Variants in ACOX1 observed in about 807,000 individuals in gnomAD.
ACOX1 encodes acyl-CoA oxidase 1.
A neutral mutation model predicts 75.5 loss-of-function variants in ACOX1; 41 were observed. The observed-to-expected ratio is 0.54, with a 90% CI of 0.42 to 0.70. ACOX1 has a LOEUF of 0.70. ACOX1 is among the 30% of genes least tolerant of loss of function. The pLI is 0.00. For synonymous variants in ACOX1, 303 were observed against 298.8 expected, an observed-to-expected ratio of 1.01 and a Z score of -0.15; for missense variants, 630 against 837.5, an observed-to-expected ratio of 0.75 and a Z score of 3.06.
chr17:75,966,381 C>T (rs1411542700), intron 2 of ACOX1, among the ~76,000 whole-genome samples: 2 of 150,082 alleles, frequency 1.3e-5, no homozygotes, highest in African/African-American at 2.5e-5. Context: ...CGCTTGAACC[C>T]GGGAGGCGGA....
At chr17:75,973,226 T>C in intron 2 of ACOX1, 1 of 241,702 alleles carries the variant, frequency 4.1e-6, no homozygotes. Flanking sequence ...CACTGCCTGC[T>C]GCCCCCATTA....
chr17:75,966,057 G>A (rs2065929107), intron 2 of ACOX1, among the ~76,000 whole-genome samples: 1 of 152,074 alleles, frequency 6.6e-6, no homozygotes, highest in Admixed American at 6.6e-5. Context: ...TTGAACCTGG[G>A]AGGCAGAGGT....
chr17:75,976,008 C>T (rs1487946783), intron 2 of ACOX1, among the ~76,000 whole-genome samples: 1 of 152,112 alleles, frequency 6.6e-6, no homozygotes, highest in Non-Finnish European at 1.5e-5. Flanking sequence ...AATAGCATGT[C>T]ACGGTTAACT....
At chr17:75,961,759 C>CAAAAAAA (rs61575984) in intron 2 of ACOX1, among the ~76,000 whole-genome samples, 1 of 53,060 alleles carries the variant, frequency 1.9e-5, no homozygotes, top group East Asian at 5.8e-4. Context: ...GACTCTGTCT[C>CAAAAAAA]AAAAAAAAAA....
In ACOX1 at chr17:75,950,684, G is replaced by T; in HGVS notation, c.1298+90C>A. 2 of 1,378,080 alleles carry T rather than the reference G, an allele frequency of 1.5e-6. No homozygotes were observed. Among genetic ancestry groups the T allele is most frequent in the Non-Finnish European group, 2.1e-6 (2 of 971,952 alleles). The allele number at this position is 1,378,080 out of a possible 1,614,324, so 85.4% of individuals were successfully genotyped here. A position where few individuals can be genotyped will look rare whatever the true frequency, so the allele number is the denominator to read the frequency against. On this transcript the variant is annotated intron_variant, in intron 9 of 13. Coordinates refer to ENST00000293217, the MANE Select transcript of ACOX1 (RefSeq NM_004035.7). The surrounding 1 kb of genome is among the most constrained non-coding windows in gnomAD (Gnocchi z 4.3). ...CTTTCAGGAACAAATATATATATAC[G>T]GTGAAGAAAAACCATGGGAACAAGA... is the stretch of plus-strand genomic sequence containing the variant.
chr17:75,959,669 G>A (rs989139684), intron 3 of ACOX1, among the ~76,000 whole-genome samples: 9 of 152,228 alleles, frequency 5.9e-5, no homozygotes, highest in Middle Eastern at 3.4e-3. Flanking sequence ...CTGCAAGTTC[G>A]GCTTATCTTG....
intron 3 of ACOX1, among the ~76,000 whole-genome samples, chr17:75,959,863 G>A (rs116909776): frequency 5.9e-4 from 90 of 152,244 alleles, no homozygotes; most frequent in Non-Finnish European, 9.1e-4. Flanking sequence ...AGTAGTAAAG[G>A]TAATCAGATA....
intron 2 of ACOX1, among the ~76,000 whole-genome samples, chr17:75,965,791 C>T (rs1049094109): frequency 6.6e-6 from 1 of 152,038 alleles, no homozygotes; most frequent in Admixed American, 6.6e-5. Flanking sequence ...TATGATCAAA[C>T]CTCTGCACTC....
At chr17:75,956,865 G>A (rs1376560657) in intron 4 of ACOX1, among the ~76,000 whole-genome samples, 1 of 140,544 alleles carries the variant, frequency 7.1e-6, no homozygotes, top group Non-Finnish European at 1.5e-5. Flanking sequence ...CTCCTGAGTA[G>A]CCAGGACTAT....
At chr17:75,952,045 T>C (rs2065779881) in intron 7 of ACOX1, among the ~76,000 whole-genome samples, 1 of 152,120 alleles carries the variant, frequency 6.6e-6, no homozygotes, top group Non-Finnish European at 1.5e-5. Context: ...ATTTTCTGGC[T>C]GCAAAGTCCA....
rs1200068759 is a variant in ACOX1, at chr17:75,948,260, G to A, written c.1926C>T (p.Asn642=). Residue 642 remains asparagine (N), a synonymous_variant, in exon 13 of 14, where the codon AAC becomes AAT. Transcript: ENST00000293217. The stretch of plus-strand genomic sequence containing the variant: ...GACACTGGATTTTTACCTCTGCTTT[G>A]TTCAGTGGGGAGTTCTTAGCCCACT... ...LFEWAKNSPL[N]KAEVHESYKH... The A allele has an allele frequency of 6.2e-7, 1 of 1,614,066 alleles. No homozygotes were observed. Among genetic ancestry groups the A allele is most frequent in the East Asian group, 2.2e-5 (1 of 44,876 alleles).
Position 75,948,580 on chromosome 17 carries a change from G to A in ACOX1, c.1729-123C>T, listed in dbSNP as rs993583839. The stretch of plus-strand genomic sequence containing the variant: ...TTTCTTTTTTTTTTTTTGAGACTGA[G>A]TTTCACTCTTGTTGCCCAGGCTGGA... On this transcript the variant is annotated intron_variant, in intron 12 of 13. Coordinates refer to ENST00000293217, the MANE Select transcript of ACOX1 (RefSeq NM_004035.7). 5 of 877,402 alleles carry A rather than the reference G, an allele frequency of 5.7e-6. No homozygotes were observed. In the Admixed American group the frequency reaches 6.9e-5, roughly 12 times the overall value. The allele number at this position is 877,402 out of a possible 1,614,324, so 54.4% of individuals were successfully genotyped here.
chr17:75,948,186 G>T, intron 13 of ACOX1, 65 bp downstream of exon 13: 1 of 1,525,022 alleles, frequency 6.6e-7, no homozygotes. Context: ...CCCTTCGAGA[G>T]GCCTTTCCTG....
chr17:75,974,916 G>A (rs1433833494), intron 2 of ACOX1, among the ~76,000 whole-genome samples: 4 of 151,382 alleles, frequency 2.6e-5, no homozygotes, highest in Non-Finnish European at 5.9e-5. Flanking sequence ...CGGGTGTGGT[G>A]GTGGGCTCCT....
chr17:75,975,519 A>G (rs1442806972), intron 2 of ACOX1, among the ~76,000 whole-genome samples: 1 of 152,260 alleles, frequency 6.6e-6, no homozygotes, highest in Non-Finnish European at 1.5e-5. Flanking sequence ...AACTCTCAAC[A>G]TGGATGCTCT....
intron 10 of ACOX1, 21 bp from the exon 11 acceptor site, chr17:75,949,621 G>A (rs779728173): frequency 6.2e-7 from 1 of 1,613,206 alleles, no homozygotes; most frequent in South Asian, 1.1e-5. Context: ...ATAGATTGGA[G>A]GTCTGAGGAA....
chr17:75,957,006 T>TACACAC (rs1229867011), intron 4 of ACOX1, among the ~76,000 whole-genome samples: 5 of 105,620 alleles, frequency 4.7e-5, no homozygotes, highest in South Asian at 3.2e-4. Flanking sequence ...TATATATATA[T>TACACAC]ATACACACAC....
chr17:75,956,912 T>C (rs7222412), intron 4 of ACOX1, among the ~76,000 whole-genome samples: 16,749 of 34,998 alleles, frequency 0.48, 4,081 homozygotes, highest in East Asian at 0.72. Context: ...CTGGCTTTCC[T>C]CTCTCTCTCT....
Position 75,978,701 on chromosome 17 carries a change from G to C in ACOX1, c.110-8C>G. On this transcript the variant is annotated splice_polypyrimidine_tract_variant and splice_region_variant and intron_variant, in intron 1 of 13. Coordinates refer to ENST00000293217, the MANE Select transcript of ACOX1 (RefSeq NM_004035.7). The surrounding 1 kb of genome is among the most constrained non-coding windows in gnomAD (Gnocchi z 4.2). ...CGTTCAGGATCATGTTCTCTGAAAGGGGGTTAAAGGGCATTAAAAGGCAGA... is the reference window on the plus strand; with the variant it reads ...CGTTCAGGATCATGTTCTCTGAAAGCGGGTTAAAGGGCATTAAAAGGCAGA... 6.2e-7 allele frequency: 1 copy of C among 1,613,560 alleles called. No individual in the cohort carries two copies. The highest frequency in any genetic ancestry group is 8.5e-7 in the Non-Finnish European group (1 of 1,180,036).
Sources: allele counts gnomAD v4.1 joint callset (sites outside exome capture counted in the v4.1 genomes callset), GRCh38; gene constraint gnomAD v4.1.1; non-coding constraint Gnocchi (gnomAD v3.1); transcripts MANE v1.5; gene names NCBI Gene and HGNC (gene_info 2026-07-23, HGNC 2026-07-21).